Variants in DLGAP1 observed in about 807,000 individuals in gnomAD.
DLGAP1 encodes disks large-associated protein 1.
A neutral mutation model predicts 90.8 loss-of-function variants in DLGAP1; 11 were observed. That is an observed-to-expected ratio of 0.12 (90% CI 0.08 to 0.20). The LOEUF is 0.20. Ranked by LOEUF, DLGAP1 falls within the 10% of genes least tolerant of loss-of-function variation. The probability of loss-of-function intolerance (pLI) is 1.00; values close to 1 mark genes in which losing one functional copy is unlikely to be tolerated. For synonymous variants in DLGAP1, 558 were observed against 540.7 expected (o/e 1.03, Z -0.44); for missense variants, 1,050 against 1,333.8 (o/e 0.79, Z 3.31).
At chr18:3,777,026 A>G (rs907135472) in intron 5 of DLGAP1, among the ~76,000 whole-genome samples, 5 of 147,964 alleles carry the variant, frequency 3.4e-5, no homozygotes, top group Non-Finnish European at 7.5e-5. Context: ...CTCTCAAGCA[A>G]TCCTCCTGCC....
intron 1 of DLGAP1, among the ~76,000 whole-genome samples, chr18:4,235,951 C>T (rs1231495379): frequency 1.3e-5 from 2 of 151,936 alleles, no homozygotes; most frequent in Non-Finnish European, 2.9e-5. Context: ...GTCTCTAATG[C>T]CTGACCTCAG....
chr18:4,271,608 A>G (rs988210791), intron 1 of DLGAP1, among the ~76,000 whole-genome samples: 10 of 152,184 alleles, frequency 6.6e-5, no homozygotes, highest in African/African-American at 2.2e-4. Flanking sequence ...TGATGGTTCA[A>G]TATTATCATT....
chr18:4,186,734 CT>C (rs1047167332), intron 1 of DLGAP1, among the ~76,000 whole-genome samples: 3 of 152,048 alleles, frequency 2.0e-5, no homozygotes, highest in African/African-American at 7.2e-5. Flanking sequence ...GTTCTTTTTG[CT>C]TAGGATTGCC....
chr18:3,806,755 C>G (rs545151418), intron 5 of DLGAP1, among the ~76,000 whole-genome samples: 24 of 152,304 alleles, frequency 1.6e-4, no homozygotes, highest in South Asian at 6.2e-4. Context: ...TCAGCACTAC[C>G]TAAAGGAAGT....
chr18:4,443,515 A>G (rs1356498313), intron 1 of DLGAP1, among the ~76,000 whole-genome samples: 1 of 152,220 alleles, frequency 6.6e-6, no homozygotes, highest in Non-Finnish European at 1.5e-5. Flanking sequence ...TTAGAGTAAT[A>G]CTATTTAGTT....
At chr18:3,675,111 AC>A (rs943073899) in intron 7 of DLGAP1, among the ~76,000 whole-genome samples, 11 of 152,150 alleles carry the variant, frequency 7.2e-5, no homozygotes, top group African/African-American at 2.4e-4. Context: ...TCACTTTGTC[AC>A]CCAGGGTGGA....
intron 2 of DLGAP1, among the ~76,000 whole-genome samples, chr18:4,100,972 A>T (rs1307271197): frequency 6.6e-6 from 1 of 152,132 alleles, no homozygotes; most frequent in Non-Finnish European, 1.5e-5. Flanking sequence ...TTCTACCCAG[A>T]CCACTCGAAC....
chr18:3,949,214 C>A (rs1422223584), intron 3 of DLGAP1, among the ~76,000 whole-genome samples: 2 of 152,144 alleles, frequency 1.3e-5, no homozygotes, highest in African/African-American at 2.4e-5. Context: ...GGGCTCACTG[C>A]AAACTGTATT....
intron 2 of DLGAP1, among the ~76,000 whole-genome samples, chr18:4,131,197 C>CGT (rs151048659): frequency 5.3e-5 from 8 of 150,736 alleles, no homozygotes; most frequent in South Asian, 2.1e-4. Flanking sequence ...AAAACGTGGG[C>CGT]GTGTGTGTGT....
chr18:4,095,862 G>A (rs55953943), intron 2 of DLGAP1, among the ~76,000 whole-genome samples: 3,620 of 152,138 alleles, frequency 0.024, 68 homozygotes, highest in Middle Eastern at 0.058. Context: ...GAGAACATAA[G>A]TGCCTCCTTA....
chr18:3,714,701 T>C (rs2061706438), intron 7 of DLGAP1, among the ~76,000 whole-genome samples: 1 of 149,880 alleles, frequency 6.7e-6, no homozygotes, highest in South Asian at 2.1e-4. Context: ...TGGTGTGATC[T>C]TGGCTCACTG....
At chr18:4,219,148 T>C (rs747022887) in intron 1 of DLGAP1, among the ~76,000 whole-genome samples, 1 of 151,724 alleles carries the variant, frequency 6.6e-6, no homozygotes. Context: ...TGTTATCTTT[T>C]GTCTTTTTGT....
chr18:4,415,186 T>G (rs2144640303), intron 1 of DLGAP1, among the ~76,000 whole-genome samples: 1 of 152,256 alleles, frequency 6.6e-6, no homozygotes, highest in Non-Finnish European at 1.5e-5. Flanking sequence ...GAGCAAACAC[T>G]TGTATAATAT....
chr18:4,409,146 A>G (rs1220100346), intron 1 of DLGAP1, among the ~76,000 whole-genome samples: 1 of 152,066 alleles, frequency 6.6e-6, no homozygotes, highest in African/African-American at 2.4e-5. Flanking sequence ...TTGTTTTTTG[A>G]TAAAGAAACT....
chr18:3,996,169 G>A (rs1291181125), intron 3 of DLGAP1, among the ~76,000 whole-genome samples: 1 of 152,062 alleles, frequency 6.6e-6, no homozygotes, highest in Non-Finnish European at 1.5e-5. Flanking sequence ...ACATATCTAA[G>A]TGGCTTTGTA....
At chr18:3,754,723 C>CAAAAAA (rs1161245616) in intron 5 of DLGAP1, among the ~76,000 whole-genome samples, 24 of 58,758 alleles carry the variant, frequency 4.1e-4, no homozygotes, top group African/African-American at 1.1e-3. Context: ...TACTAAAATA[C>CAAAAAA]AAAAAAAAAA....
chr18:3,950,076 A>G (rs1447942801), intron 3 of DLGAP1, among the ~76,000 whole-genome samples: 1 of 152,202 alleles, frequency 6.6e-6, no homozygotes, highest in Non-Finnish European at 1.5e-5. Context: ...AAACATCTCC[A>G]TGTTCAAGAA....
At chr18:4,366,972 T>C (rs915731775) in intron 1 of DLGAP1, among the ~76,000 whole-genome samples, 1 of 109,160 alleles carries the variant, frequency 9.2e-6, no homozygotes, top group Non-Finnish European at 1.8e-5. Flanking sequence ...GTAAATTCCA[T>C]GTAAAAATCC....
chr18:3,527,123 C>T (rs553386864), intron 10 of DLGAP1, among the ~76,000 whole-genome samples: 54 of 152,296 alleles, frequency 3.5e-4, no homozygotes, highest in South Asian at 2.1e-3. Context: ...CAAAAGATAG[C>T]TTGAGGCTCC....
Sources: gnomAD v4.1 joint callset for allele counts (sites outside exome capture counted in the v4.1 genomes callset) on GRCh38, gnomAD v4.1.1 for gene constraint, MANE v1.5 for transcripts, NCBI Gene and HGNC (gene_info 2026-07-23, HGNC 2026-07-21) for gene names.